The following BDP1 variants were observed in gnomAD, a reference collection of about 807,000 sequenced individuals.
The protein encoded by BDP1 is BDP1 general transcription factor IIIB subunit, also known as transcription factor TFIIIB component B'' homolog.
A neutral mutation model predicts 266.6 loss-of-function variants in BDP1; 169 were observed. The ratio of observed to expected loss-of-function variants is 0.63; its 90% CI spans 0.56 to 0.72. The LOEUF (loss-of-function observed/expected upper bound fraction) is 0.72. Ranked by LOEUF, BDP1 falls within the 30% of genes least tolerant of loss-of-function variation. The probability of loss-of-function intolerance (pLI) is 0.00; values close to 1 mark genes in which losing one functional copy is unlikely to be tolerated. For synonymous variants in BDP1, 1,090 were observed against 1,022.4 expected (o/e 1.07, Z -1.26); for missense variants, 3,015 against 3,053.8 (o/e 0.99, Z 0.30).
intron 19 of BDP1, among the ~76,000 whole-genome samples, chr5:71,514,440 G>T (rs964407549): frequency 6.6e-6 from 1 of 152,082 alleles, no homozygotes; most frequent in Non-Finnish European, 1.5e-5. Flanking sequence ...TAATCATACA[G>T]CAATTTTGAA....
Position 71,466,161 on chromosome 5 carries a change from C to T in BDP1, c.725C>T (p.Pro242Leu). The stretch of plus-strand genomic sequence containing the variant: ...ATGGAAGAAGAGACAGATGATGGGC[C>T]ATTACTGGTTCCTCGAGTAAAAGTG... ...NEMEEETDDG[P>L]LLVPRVKVAE... Residue 242 changes from proline (P) to leucine (L), a missense_variant, in exon 5 of 39, where the codon CCA becomes CTA. Pro to Leu is a moderately conservative substitution (Grantham distance 98, BLOSUM62 -3). Coordinates refer to ENST00000358731, the MANE Select transcript of BDP1 (RefSeq NM_018429.3). The T allele has an allele frequency of 6.2e-7, 1 of 1,613,796 alleles. No homozygotes were observed. Among genetic ancestry groups the T allele is most frequent in the Non-Finnish European group, 8.5e-7 (1 of 1,179,792 alleles).
At chr5:71,542,013 G>A in intron 29 of BDP1, 92 bp from the exon 30 acceptor site, 1 of 1,014,030 alleles carries the variant, frequency 9.9e-7, no homozygotes, top group Non-Finnish European at 1.4e-6. Flanking sequence ...CACCTAACAG[G>A]TCATTCACTC....
chr5:71,455,861 GGCCCC>G lies in BDP1; in HGVS notation c.-16_-12del. 6.4e-7 allele frequency: 1 copy of G among 1,554,178 alleles called. No individual in the cohort carries two copies. Among genetic ancestry groups the G allele is most frequent in the Non-Finnish European group, 8.7e-7 (1 of 1,149,212 alleles). On this transcript the variant is annotated 5_prime_UTR_variant, in exon 1 of 39. Transcript: ENST00000358731. ...GAGCGGCCGTGAGGCTGCCTCCCCG[GGCCCC>G]CTGCCTCCGCCATGTTCCGCAGGGC... is the stretch of plus-strand genomic sequence containing the variant.
chr5:71,508,618 T>A (rs961139040), intron 16 of BDP1, among the ~76,000 whole-genome samples: 2 of 152,240 alleles, frequency 1.3e-5, no homozygotes, highest in South Asian at 2.1e-4. Context: ...GAATGTATAG[T>A]TATATACCTG....
chr5:71,502,479 A>G (rs1384137926), intron 14 of BDP1, 120 bp from the exon 15 acceptor site: 2 of 951,364 alleles, frequency 2.1e-6, no homozygotes, highest in Non-Finnish European at 1.5e-6. Context: ...CGGGCGGATT[A>G]TGTCTTTTCA....
rs1742599093 is a variant in BDP1, at chr5:71,549,562, C to G, written c.6951C>G (p.Pro2317=). The G allele has an allele frequency of 1.9e-6, 3 of 1,612,876 alleles. No homozygotes were observed. Among genetic ancestry groups the G allele is most frequent in the East Asian group, 4.5e-5 (2 of 44,848 alleles). The stretch of plus-strand genomic sequence containing the variant: ...TGCCAAACCCTTTACTGCCAGCTCC[C>G]ATATTGGTCAAATCAGTGAATACCG... ...QFMPNPLLPA[P]ILVKSVNTEE... is the part of the protein sequence containing the mutation. Residue 2317 remains proline, a synonymous_variant, in exon 34 of 39, where the codon CCC becomes CCG. Coordinates refer to ENST00000358731, the MANE Select transcript of BDP1 (RefSeq NM_018429.3).
At chr5:71,494,981 A>C (rs563786346) in intron 11 of BDP1, 9 of 222,568 alleles carry the variant, frequency 4.0e-5, no homozygotes, top group African/African-American at 1.8e-4. Context: ...TACAGGCGTG[A>C]GCCACCTTGT....
In BDP1 at chr5:71,512,312, A is replaced by G. The variant is rs1419200199; in HGVS notation, c.4131A>G (p.Val1377=). ...VEEKRNSEKE[V]SSHFSHFKIS... is the part of the protein sequence containing the mutation. ...AAAAAAGAAATTCTGAAAAAGAAGTATCAAGTCACTTCAGTCATTTCAAGA... is the reference window on the plus strand; with the variant it reads ...AAAAAAGAAATTCTGAAAAAGAAGTGTCAAGTCACTTCAGTCATTTCAAGA... The change falls in exon 18 of 39, where the codon GTA becomes GTG. Residue 1377 remains valine (V), a synonymous_variant. Transcript: ENST00000358731. The G allele has an allele frequency of 9.4e-6, 15 of 1,599,638 alleles. No homozygotes were observed. The highest frequency in any genetic ancestry group is 1.2e-5 in the Non-Finnish European group (14 of 1,175,486).
At chr5:71,456,131 C>A in intron 1 of BDP1, 42 bp downstream of exon 1, 1 of 1,567,350 alleles carries the variant, frequency 6.4e-7, no homozygotes. Flanking sequence ...TGTCCCGCCT[C>A]TCCGGGCATG....
downstream of BDP1, among the ~76,000 whole-genome samples, chr5:71,569,018 T>C (rs997970817): frequency 1.3e-5 from 2 of 152,238 alleles, no homozygotes; most frequent in African/African-American, 4.8e-5. Flanking sequence ...AGGAGTTGTG[T>C]TGATTTGGTC....
chr5:71,484,023 C>T (rs978466831), intron 8 of BDP1, 127 bp downstream of exon 8: 6 of 748,286 alleles, frequency 8.0e-6, no homozygotes, highest in African/African-American at 7.1e-5. Context: ...AGGAAGCAGT[C>T]TGAAATTTTT....
At chr5:71,526,547 C>T (rs542629306) in intron 25 of BDP1, among the ~76,000 whole-genome samples, 6 of 127,494 alleles carry the variant, frequency 4.7e-5, no homozygotes, top group Admixed American at 9.3e-5. Flanking sequence ...ACCCGGGAAG[C>T]GGAGGTTGCA....
At chr5:71,529,781 A>C (rs192556239) in intron 25 of BDP1, among the ~76,000 whole-genome samples, 7 of 152,358 alleles carry the variant, frequency 4.6e-5, no homozygotes, top group Admixed American at 3.9e-4. Context: ...CCTTAGGCCA[A>C]GTGAAAGAAG....
At position 71,510,944 on chromosome 5, in the gene BDP1, A is replaced by C. The variant is rs769400810; in HGVS notation, c.3852A>C (p.Glu1284Asp). ...AAGAAATGGAGGCAGATTTGAAAGA[A>C]ACTGGAAAAGAAAATTTTAGAGAGA... is the stretch of plus-strand genomic sequence containing the variant. ...VVEEMEADLK[E>D]TGKENFRERG... The change falls in exon 17 of 39, where the codon GAA (glutamate) becomes GAC (aspartate). Residue 1284 changes from glutamate to aspartate, a missense_variant. By Grantham distance (45) the Glu-to-Asp change is conservative (BLOSUM62 2). Transcript: ENST00000358731. The C allele has an allele frequency of 2.5e-6, 4 of 1,614,084 alleles. No individual in the cohort carries two copies. The South Asian group carries it at 4.4e-5, about 18-fold the overall frequency.
downstream of BDP1, among the ~76,000 whole-genome samples, chr5:71,572,385 G>A (rs571179011): frequency 1.5e-4 from 23 of 152,298 alleles, no homozygotes; most frequent in African/African-American, 4.6e-4. Flanking sequence ...TACAAGTGGC[G>A]TCCAAACACA....
chr5:71,577,254 G>A, the BDP1 span, among the ~76,000 whole-genome samples: 177 of 152,186 alleles, frequency 1.2e-3, no homozygotes, highest in Non-Finnish European at 2.1e-3. Flanking sequence ...CATTGTGTCC[G>A]TAGAGGCTTA....
intron 16 of BDP1, among the ~76,000 whole-genome samples, chr5:71,508,854 C>T (rs534563229): frequency 2.6e-5 from 4 of 152,280 alleles, no homozygotes; most frequent in Non-Finnish European, 4.4e-5. Flanking sequence ...CAGTAGCATT[C>T]AGCAAAGTAT....
At chr5:71,529,671 A>G (rs1766115428) in intron 25 of BDP1, among the ~76,000 whole-genome samples, 1 of 152,236 alleles carries the variant, frequency 6.6e-6, no homozygotes, top group African/African-American at 2.4e-5. Flanking sequence ...AGCCTGGACA[A>G]CAGGAGGAGA....
intron 22 of BDP1, among the ~76,000 whole-genome samples, chr5:71,518,397 G>A (rs1215583292): frequency 6.6e-6 from 1 of 152,098 alleles, no homozygotes; most frequent in Non-Finnish European, 1.5e-5. Context: ...GCTAGAATTT[G>A]GGCATGTTAG....
Sources: gnomAD v4.1 joint callset for allele counts (sites outside exome capture counted in the v4.1 genomes callset) on GRCh38, gnomAD v4.1.1 for gene constraint, MANE v1.5 for transcripts, NCBI Gene and HGNC (gene_info 2026-07-23, HGNC 2026-07-21) for gene names.